Variants in ARID4B observed in about 807,000 individuals in gnomAD.
ARID4B encodes AT-rich interactive domain-containing protein 4B.
Under a neutral mutation model 147.5 loss-of-function variants are expected in ARID4B, and 26 were observed. The ratio of observed to expected loss-of-function variants is 0.18; its 90% CI spans 0.13 to 0.24. The LOEUF (loss-of-function observed/expected upper bound fraction) is 0.24. ARID4B is among the 10% of genes least tolerant of loss of function. The pLI is 1.00. For synonymous variants in ARID4B, 512 were observed against 507.9 expected, an observed-to-expected ratio of 1.01 and a Z score of -0.11; for missense variants, 1,179 against 1,511.5, an observed-to-expected ratio of 0.78 and a Z score of 3.65.
At chr1:235,274,428 T>C (rs746408492) in intron 2 of ARID4B, among the ~76,000 whole-genome samples, 5 of 152,066 alleles carry the variant, frequency 3.3e-5, no homozygotes, top group Non-Finnish European at 7.4e-5. Context: ...ACAATTACTT[T>C]TGCACCAACC....
chr1:235,296,827 A>AAGGAAGGG (rs1672760137), intron 2 of ARID4B, among the ~76,000 whole-genome samples: 5 of 18,710 alleles, frequency 2.7e-4, no homozygotes, highest in African/African-American at 6.4e-4. Context: ...GGAAGGAAGG[A>AAGGAAGGG]AGGAAGGAAG....
At chr1:235,315,779 TCA>T (rs1674383497) in intron 2 of ARID4B, among the ~76,000 whole-genome samples, 2 of 152,232 alleles carry the variant, frequency 1.3e-5, no homozygotes, top group East Asian at 1.9e-4. Context: ...ATCTGGTTAT[TCA>T]CAGTTAGATA....
At chr1:235,283,972 A>C (rs1380203054) in intron 2 of ARID4B, among the ~76,000 whole-genome samples, 1 of 152,082 alleles carries the variant, frequency 6.6e-6, no homozygotes, top group Non-Finnish European at 1.5e-5. Flanking sequence ...CCCGGCCTCA[A>C]GTGATCCGCC....
At chr1:235,189,128 CA>C (rs1664895475) in intron 19 of ARID4B, among the ~76,000 whole-genome samples, 1 of 152,140 alleles carries the variant, frequency 6.6e-6, no homozygotes, top group Non-Finnish European at 1.5e-5. Context: ...AGGCTGGGCG[CA>C]GTGGCTCACG....
intron 19 of ARID4B, among the ~76,000 whole-genome samples, chr1:235,184,799 T>C (rs919852418): frequency 1.3e-5 from 2 of 152,218 alleles, no homozygotes; most frequent in East Asian, 3.8e-4. Flanking sequence ...TTACTATTCA[T>C]AATATACTAT....
intron 12 of ARID4B, among the ~76,000 whole-genome samples, 187 bp downstream of exon 12, chr1:235,224,516 T>C (rs1262083059): frequency 1.3e-5 from 2 of 152,192 alleles, no homozygotes; most frequent in African/African-American, 4.8e-5. Context: ...GTCAAAATGC[T>C]ATCAAATTCC....
Sources: gnomAD v4.1 joint callset for allele counts (sites outside exome capture counted in the v4.1 genomes callset) on GRCh38, gnomAD v4.1.1 for gene constraint, MANE v1.5 for transcripts, NCBI Gene and HGNC (gene_info 2026-07-23, HGNC 2026-07-21) for gene names.